The following GALNS variants were observed in gnomAD, a reference collection of about 807,000 sequenced individuals.
GALNS encodes the protein N-acetylgalactosamine-6-sulfatase.
GALNS carries 65 observed loss-of-function variants against 65.9 expected under a neutral mutation model. That is an observed-to-expected ratio of 0.99 (90% CI 0.81 to 1.21). The LOEUF (loss-of-function observed/expected upper bound fraction) is 1.21. GALNS is among the 50% of genes most tolerant of loss of function. GALNS has a pLI of 0.00. For missense variants in GALNS, 776 were observed against 700.7 expected (o/e 1.11, Z -1.21); for synonymous variants, 346 against 288.9 (o/e 1.20, Z -2.00).
chr16:88,851,357 C>CT (rs1306170616), intron 1 of GALNS, among the ~76,000 whole-genome samples: 1 of 151,652 alleles, frequency 6.6e-6, no homozygotes, highest in African/African-American at 2.4e-5. Context: ...CTAAAAAAAA[C>CT]TTTTTTTTTA....
At chr16:88,853,835 T>A (rs1428366767) in intron 1 of GALNS, among the ~76,000 whole-genome samples, 1 of 152,080 alleles carries the variant, frequency 6.6e-6, no homozygotes, top group Non-Finnish European at 1.5e-5. Flanking sequence ...CTTGCCCGGC[T>A]CAGCTCCCCC....
intron 8 of GALNS, among the ~76,000 whole-genome samples, chr16:88,834,813 C>G (rs747249913): frequency 7.2e-5 from 11 of 152,158 alleles, no homozygotes; most frequent in Non-Finnish European, 1.6e-4. Flanking sequence ...CCTGGGTGAC[C>G]AGGTCCAGGC....
At chr16:88,820,078 C>T (rs1445820835) in intron 12 of GALNS, among the ~76,000 whole-genome samples, 1 of 151,862 alleles carries the variant, frequency 6.6e-6, no homozygotes, top group African/African-American at 2.4e-5. Context: ...ATCCTCCTAC[C>T]TCGGCCTCCC....
chr16:88,844,419 G>C (rs1967140991), intron 1 of GALNS: 1 of 152,266 alleles, frequency 6.6e-6, no homozygotes, highest in African/African-American at 2.4e-5. Flanking sequence ...ACCGCCTGGG[G>C]CTTTGGCTCT....
In GALNS at chr16:88,842,835, G is replaced by A. The variant is rs183621726; in HGVS notation, c.121-6C>T. ...CCGAGGTCACCCCATCCCATCTGCA[G>A]GGAAGAGCACGGGGAGGAGGAATGA... On this transcript the variant is annotated splice_region_variant and splice_polypyrimidine_tract_variant and intron_variant, in intron 1 of 13. Transcript: ENST00000268695. 3 of 1,613,192 alleles carry A rather than the reference G, an allele frequency of 1.9e-6. No individual in the cohort carries two copies. The African/African-American group carries it at 4.0e-5, about 21-fold the overall frequency.
chr16:88,830,853 G>A (rs1444009657), intron 9 of GALNS, among the ~76,000 whole-genome samples: 5 of 152,172 alleles, frequency 3.3e-5, no homozygotes, highest in Non-Finnish European at 5.9e-5. Flanking sequence ...GTGTCCTTAG[G>A]ACACTGGCCT....
intron 9 of GALNS, among the ~76,000 whole-genome samples, chr16:88,828,742 G>A (rs772072459): frequency 4.6e-5 from 7 of 152,222 alleles, no homozygotes; most frequent in East Asian, 1.9e-4. Flanking sequence ...GCAGGTGGGT[G>A]GGGAGGTCTG....
At chr16:88,855,616 A>G in intron 1 of GALNS, 1 of 635,098 alleles carries the variant, frequency 1.6e-6, no homozygotes, top group Non-Finnish European at 2.8e-6. Context: ...GGTGTCTGTT[A>G]TCTTTTCAAG....
chr16:88,845,443 C>T (rs1967201611), intron 1 of GALNS: 1 of 151,360 alleles, frequency 6.6e-6, no homozygotes, highest in Non-Finnish European at 1.5e-5. Flanking sequence ...AGTGCAGCTA[C>T]CCTATCTTAA....
intron 13 of GALNS, chr16:88,816,004 A>G (rs7199388): frequency 0.14 from 134,427 of 985,264 alleles, 9,425 homozygotes; most frequent in African/African-American, 0.14. Flanking sequence ...GAGGGCAGGG[A>G]AGGGGTAAGG....
chr16:88,817,927 TG>T, intron 13 of GALNS, 79 bp downstream of exon 13: 3 of 1,193,484 alleles, frequency 2.5e-6, no homozygotes, highest in Non-Finnish European at 3.6e-6. Flanking sequence ...TGCCCTGTGC[TG>T]GCCACGGTTC....
intron 9 of GALNS, among the ~76,000 whole-genome samples, chr16:88,827,898 C>T (rs563980778): frequency 7.2e-5 from 11 of 152,336 alleles, no homozygotes; most frequent in Admixed American, 2.0e-4. Context: ...CACCCAGTGT[C>T]GACAGCCCTC....
chr16:88,820,020 G>T (rs531412533), intron 12 of GALNS, among the ~76,000 whole-genome samples: 9 of 152,180 alleles, frequency 5.9e-5, no homozygotes, highest in Admixed American at 2.6e-4. Flanking sequence ...TACCAGTAAG[G>T]TCTTGCTGTG....
At chr16:88,855,168 A>G in intron 1 of GALNS, 2 of 655,436 alleles carry the variant, frequency 3.1e-6, no homozygotes, top group Non-Finnish European at 5.6e-6. Flanking sequence ...AACATAACCA[A>G]AATATTATTT....
chr16:88,843,047 G>A (rs1967059188), intron 1 of GALNS: 1 of 1,522,032 alleles, frequency 6.6e-7, no homozygotes, highest in South Asian at 1.2e-5. Context: ...TCGCCTGCGT[G>A]CGTGCACGAT....
In GALNS at chr16:88,824,833, C is replaced by T. The variant is rs398123431; in HGVS notation, c.1176G>A (p.Ala392=). 17 of 1,613,242 alleles carry T rather than the reference C, an allele frequency of 1.1e-5. No individual in the cohort carries two copies. The highest frequency in any genetic ancestry group is 4.4e-5 in the South Asian group (4 of 91,090). The change falls in exon 11 of 14, where the codon GCG becomes GCA. Residue 392 remains alanine (A), a synonymous_variant. Coordinates refer to ENST00000268695, the MANE Select transcript of GALNS (RefSeq NM_000512.5). ...GAGCCTTGTGCTGCCCGAGGGTGGC[C>T]GCCATCAGCGTGTCGCCACGGTAAT... ...IFYYRGDTLM[A]ATLGQHKAHF... is the part of the protein sequence containing the mutation.
chr16:88,841,194 A>C, intron 3 of GALNS, 100 bp from the exon 4 acceptor site: 11 of 895,700 alleles, frequency 1.2e-5, no homozygotes, highest in Non-Finnish European at 2.0e-5. Flanking sequence ...ACATCCTAAC[A>C]GGACACTGGC....
chr16:88,842,423 C>T, intron 2 of GALNS: 2 of 549,318 alleles, frequency 3.6e-6, no homozygotes, highest in South Asian at 2.1e-5. Context: ...CACTGCAGCA[C>T]CTCTCCCCAG....
Position 88,818,063 on chromosome 16 carries a change from G to A in GALNS, c.1426C>T (p.Gln476Ter). The A allele has an allele frequency of 6.3e-7, 1 of 1,577,766 alleles. No homozygotes were observed. Among genetic ancestry groups the A allele is most frequent in the Non-Finnish European group, 8.6e-7 (1 of 1,167,322 alleles). ...SRITSVVQQH[Q>*]EALVPAQPQL... ...GGCTGCGCGGGGACCAAGGCCTCCT[G>A]GTGCTGCTGGACGACCGAGGTGATC... is the stretch of plus-strand genomic sequence containing the variant. Residue 476 changes from glutamine (Q) to a stop codon, truncating the protein, a stop_gained, in exon 13 of 14, where the codon CAG becomes TAG. Coordinates refer to ENST00000268695, the MANE Select transcript of GALNS (RefSeq NM_000512.5). LOFTEE classifies it high-confidence loss of function.
Sources: allele counts gnomAD v4.1 joint callset (sites outside exome capture counted in the v4.1 genomes callset), GRCh38; gene constraint gnomAD v4.1.1; transcripts MANE v1.5; gene names NCBI Gene and HGNC (gene_info 2026-07-23, HGNC 2026-07-21).